Variants in CNTN5 observed in about 807,000 individuals in gnomAD.
CNTN5 encodes the protein contactin 5.
In CNTN5, 77 loss-of-function variants were observed where a neutral mutation model predicts 129.1. The ratio of observed to expected loss-of-function variants is 0.60; its 90% CI spans 0.50 to 0.72. The LOEUF is 0.72. Ranked by LOEUF, CNTN5 falls within the 30% of genes least tolerant of loss-of-function variation. CNTN5 has a pLI of 0.00. For missense variants in CNTN5, 1,478 were observed against 1,328.8 expected, an observed-to-expected ratio of 1.11 and a Z score of -1.75; for synonymous variants, 509 against 465.6, an observed-to-expected ratio of 1.09 and a Z score of -1.20.
chr11:99,845,614 C>T (rs1201918565), intron 6 of CNTN5, among the ~76,000 whole-genome samples: 4 of 151,900 alleles, frequency 2.6e-5, no homozygotes, highest in African/African-American at 7.3e-5. Flanking sequence ...CCTCGTGATC[C>T]GCCCGCCTCG....
At chr11:100,251,541 G>T (rs1268660786) in intron 16 of CNTN5, among the ~76,000 whole-genome samples, 1 of 151,916 alleles carries the variant, frequency 6.6e-6, no homozygotes, top group Non-Finnish European at 1.5e-5. Context: ...CTGTACTTTT[G>T]TATCCTTTAA....
chr11:99,702,596 A>G (rs1354532662), intron 3 of CNTN5, among the ~76,000 whole-genome samples: 3 of 150,848 alleles, frequency 2.0e-5, no homozygotes, highest in Admixed American at 6.6e-5. Context: ...TTCTCCTGAC[A>G]TTTTGCTGTC....
intron 1 of CNTN5, among the ~76,000 whole-genome samples, chr11:99,318,978 A>T (rs185946858): frequency 1.3e-5 from 2 of 152,214 alleles, no homozygotes; most frequent in African/African-American, 2.4e-5. Context: ...CCATTTAGAG[A>T]TGACAGAATT....
At chr11:99,889,325 TGTGTGTGTGTGTGTGTGTG>T (rs1948991351) in intron 6 of CNTN5, among the ~76,000 whole-genome samples, 1 of 113,176 alleles carries the variant, frequency 8.8e-6, no homozygotes, top group African/African-American at 3.0e-5. Flanking sequence ...TGTGTGTGTG[TGTGTGTGTGTGTGTGTGTG>T]TGTGTGTGTG....
chr11:100,234,791 TTAAAAAAAAAAA>T (rs1232680907), intron 16 of CNTN5, among the ~76,000 whole-genome samples: 1 of 112,412 alleles, frequency 8.9e-6, no homozygotes, highest in African/African-American at 3.5e-5. Flanking sequence ...ATCCCAGAAT[TTAAAAAAAAAAA>T]AAAAAAAAAA....
intron 3 of CNTN5, among the ~76,000 whole-genome samples, chr11:99,754,010 C>T (rs1228996352): frequency 6.6e-6 from 1 of 150,414 alleles, no homozygotes; most frequent in Non-Finnish European, 1.5e-5. Flanking sequence ...TAAATAACAA[C>T]AACAAAAAAA....
chr11:99,703,203 A>G (rs1232750226), intron 3 of CNTN5, among the ~76,000 whole-genome samples: 3 of 149,316 alleles, frequency 2.0e-5, no homozygotes, highest in Non-Finnish European at 3.0e-5. Flanking sequence ...TTATAAAACC[A>G]AATACATATC....
rs756256295 is a variant in CNTN5 at position 100,341,162 on chromosome 11, C to G, written c.2987C>G (p.Pro996Arg). 2 of 1,613,862 alleles carry G rather than the reference C, an allele frequency of 1.2e-6. No homozygotes were observed. The highest frequency in any genetic ancestry group is 2.7e-5 in the African/African-American group (2 of 75,026). Residue 996 changes from proline (P) to arginine (R), a missense_variant, in exon 23 of 25, where the codon CCC becomes CGC. Physicochemically the swap from Pro to Arg is moderately radical, Grantham distance 103 (BLOSUM62 -2). Transcript: ENST00000524871. ...QGSQVSLGWE[P>R]VIPLANESEV... is the part of the protein sequence containing the mutation. The stretch of plus-strand genomic sequence containing the variant: ...TCTCAGGTTTCTCTGGGCTGGGAAC[C>G]CGTCATACCATTAGCCAACGAATCT...
At chr11:99,860,267 C>T (rs1210983472) in intron 6 of CNTN5, among the ~76,000 whole-genome samples, 1 of 151,902 alleles carries the variant, frequency 6.6e-6, no homozygotes, top group African/African-American at 2.4e-5. Context: ...GTTTTCTACT[C>T]TTTTGACAGT....
intron 3 of CNTN5, among the ~76,000 whole-genome samples, chr11:99,577,937 C>T (rs1282927424): frequency 1.3e-5 from 2 of 151,110 alleles, no homozygotes; most frequent in African/African-American, 4.9e-5. Flanking sequence ...ATTAACTCGT[C>T]GTTTAGCATT....
chr11:99,408,452 A>G (rs549309569), intron 2 of CNTN5, among the ~76,000 whole-genome samples: 1,751 of 90,898 alleles, frequency 0.019, 35 homozygotes, highest in African/African-American at 0.059. Context: ...AAGAAAGAGA[A>G]AGAAAGAAAG....
Position 100,102,666 on chromosome 11 carries a change from G to A in CNTN5, c.1580+28372G>A, listed in dbSNP as rs529238695. On this transcript the variant is annotated intron_variant, in intron 13 of 24. Transcript: ENST00000524871. ...AAGAATCTGATTATTGATATGAAAC[G>A]TTTAAAAGAACAGTTTTAGCAAAAG... is the stretch of plus-strand genomic sequence containing the variant. Among the ~76,000 whole-genome samples, 4 of 152,038 alleles carry A rather than the reference G, an allele frequency of 2.6e-5. No individual in the cohort carries two copies. The East Asian group carries it at 5.8e-4, about 22-fold the overall frequency.
intron 6 of CNTN5, among the ~76,000 whole-genome samples, chr11:99,900,886 A>G (rs1949338893): frequency 6.6e-6 from 1 of 152,090 alleles, no homozygotes; most frequent in African/African-American, 2.4e-5. Context: ...TTTCCCAGCT[A>G]GCCTCATACA....
chr11:99,478,959 TG>T (rs1328745250), intron 2 of CNTN5, among the ~76,000 whole-genome samples: 1 of 152,308 alleles, frequency 6.6e-6, no homozygotes, highest in East Asian at 1.9e-4. Context: ...TTTTAAATTG[TG>T]TTTGGGATTT....
intron 10 of CNTN5, among the ~76,000 whole-genome samples, chr11:100,063,499 C>A (rs980671236): frequency 7.2e-5 from 11 of 151,888 alleles, no homozygotes; most frequent in African/African-American, 2.7e-4. Flanking sequence ...TTTCTTCAGC[C>A]CATGTTTAGG....
At chr11:99,065,726 C>A (rs1865074385) in intron 1 of CNTN5, among the ~76,000 whole-genome samples, 1 of 150,486 alleles carries the variant, frequency 6.6e-6, no homozygotes, top group Admixed American at 6.6e-5. Flanking sequence ...TATACAAACA[C>A]AGAGGCCTCA....
chr11:99,608,945 T>C (rs967804850), intron 3 of CNTN5, among the ~76,000 whole-genome samples: 1 of 152,206 alleles, frequency 6.6e-6, no homozygotes, highest in Non-Finnish European at 1.5e-5. Flanking sequence ...ATCTGCTCTA[T>C]TAAAATTAAT....
At position 99,906,468 on chromosome 11, in the gene CNTN5, G is replaced by A. The variant is rs144572821; in HGVS notation, c.578-9586G>A. Among the ~76,000 whole-genome samples, 424 of 152,282 alleles carry A rather than the reference G, an allele frequency of 2.8e-3. 1 individual carries two copies. The highest frequency in any genetic ancestry group is 4.4e-3 in the Non-Finnish European group (298 of 68,024). On this transcript the variant is annotated intron_variant, in intron 6 of 24. Coordinates refer to ENST00000524871, the MANE Select transcript of CNTN5 (RefSeq NM_014361.4). ...TTATTGATTTGCATATGTTGAACCA[G>A]CCTTGAATACCAGGGATGAAGCTGA...
At position 99,771,346 on chromosome 11, in the gene CNTN5, ATAAAG is replaced by A. The variant is rs138861705; in HGVS notation, c.56-48193_56-48189del. On this transcript the variant is annotated intron_variant, in intron 3 of 24. Transcript: ENST00000524871. ...TAAATGCCCATCAACTGATGAATGA[ATAAAG>A]TAAACGTGAAATAAATACATATATG... Among the ~76,000 whole-genome samples, 728 of 152,192 alleles carry A rather than the reference ATAAAG, an allele frequency of 4.8e-3. 9 individuals carry two copies. Among genetic ancestry groups the A allele is most frequent in the African/African-American group, 0.014 (586 of 41,560 alleles).
Sources: allele counts gnomAD v4.1 joint callset (sites outside exome capture counted in the v4.1 genomes callset), GRCh38; gene constraint gnomAD v4.1.1; transcripts MANE v1.5; gene names NCBI Gene and HGNC (gene_info 2026-07-23, HGNC 2026-07-21).